MAP6: variants seen among roughly 807,000 people sequenced by gnomAD.
MAP6 encodes the protein microtubule-associated protein 6.
Under a neutral mutation model 42.4 loss-of-function variants are expected in MAP6, and 26 were observed. The observed-to-expected ratio is 0.61, with a 90% CI of 0.45 to 0.85. The LOEUF (loss-of-function observed/expected upper bound fraction) is 0.85. Ranked by LOEUF, MAP6 falls within the 40% of genes least tolerant of loss-of-function variation. The probability of loss-of-function intolerance (pLI) is 0.00; values close to 1 mark genes in which losing one functional copy is unlikely to be tolerated. For synonymous variants in MAP6, 418 were observed against 443.8 expected (o/e 0.94, Z 0.73); for missense variants, 966 against 1,099.0 (o/e 0.88, Z 1.71).
intron 1 of MAP6, among the ~76,000 whole-genome samples, chr11:75,608,774 A>G (rs1022681675): frequency 6.6e-6 from 1 of 152,240 alleles, no homozygotes; most frequent in African/African-American, 2.4e-5. Context: ...CATATCAATG[A>G]ATGCCAGTTC....
intron 1 of MAP6, among the ~76,000 whole-genome samples, chr11:75,621,513 G>C (rs1435136945): frequency 6.6e-6 from 1 of 152,110 alleles, no homozygotes; most frequent in Non-Finnish European, 1.5e-5. Context: ...AACATTCTGT[G>C]ACAGTCATAG....
At chr11:75,661,997 T>C (rs952047686) in intron 1 of MAP6, among the ~76,000 whole-genome samples, 1 of 152,062 alleles carries the variant, frequency 6.6e-6, no homozygotes, top group African/African-American at 2.4e-5. Flanking sequence ...ACTTAATGCA[T>C]ATGGGCAATA....
At chr11:75,607,656 G>T in intron 2 of MAP6, 1 of 985,420 alleles carries the variant, frequency 1.0e-6, no homozygotes, top group Non-Finnish European at 1.2e-6. Context: ...TCAGGGACTA[G>T]GGAGGGAAGA....
At position 75,668,023 on chromosome 11, in the gene MAP6, G is replaced by A. The variant is rs1205186022; in HGVS notation, c.347C>T (p.Pro116Leu). Residue 116 changes from proline (P) to leucine (L), a missense_variant, in exon 1 of 4, where the codon CCC becomes CTC. Transcript: ENST00000304771. ...ATCCTGCCGCATCACCGAGTCCGCG[G>A]GGCCGGAGGTGGAGCCGGAGCCCAG... ...PGLGSGSTSGPADSVMRQDYR... is the reference protein window; with the variant it reads ...PGLGSGSTSGLADSVMRQDYR... 8 of 1,234,288 alleles carry A rather than the reference G, an allele frequency of 6.5e-6. No individual in the cohort carries two copies. The highest frequency in any genetic ancestry group is 1.6e-5 in the African/African-American group (1 of 64,036). 76.5% of individuals were successfully genotyped at this position (1,234,288 alleles called of 1,614,324 possible).
At chr11:75,611,888 G>A (rs1258727728) in intron 1 of MAP6, among the ~76,000 whole-genome samples, 1 of 152,262 alleles carries the variant, frequency 6.6e-6, no homozygotes, top group Non-Finnish European at 1.5e-5. Flanking sequence ...ATAAGGCAAT[G>A]CAACCAGCAA....
In MAP6 at chr11:75,587,111, CG is replaced by C. The variant is rs762416015; in HGVS notation, c.2389del (p.Arg797GlufsTer3). 7 of 1,609,780 alleles carry C rather than the reference CG, an allele frequency of 4.3e-6. No homozygotes were observed. The highest frequency in any genetic ancestry group is 5.1e-6 in the Non-Finnish European group (6 of 1,176,828). ...ATGGGGGGCAGTTGGGATCATGACT[CG>C]GGGTAGAGGTGAGACAGTAGGTAGC... ...PQLPTVSPLP[R>X]VMIPTAPHTE... is the part of the protein sequence containing the mutation. On this transcript the variant is annotated frameshift_variant, in exon 4 of 4. Coordinates refer to ENST00000304771, the MANE Select transcript of MAP6 (RefSeq NM_033063.2). LOFTEE classifies it high-confidence loss of function.
chr11:75,628,376 G>T (rs1195445379), intron 1 of MAP6, among the ~76,000 whole-genome samples: 2 of 152,174 alleles, frequency 1.3e-5, no homozygotes, highest in African/African-American at 2.4e-5. Flanking sequence ...AAAGAACCCA[G>T]CAAAGCACCC....
chr11:75,591,465 C>T (rs1433780313), intron 3 of MAP6, among the ~76,000 whole-genome samples: 1 of 152,240 alleles, frequency 6.6e-6, no homozygotes, highest in Non-Finnish European at 1.5e-5. Context: ...GCCAGTCTCC[C>T]ATCTGTAAAG....
At chr11:75,601,313 C>T (rs1342013660) in intron 3 of MAP6, among the ~76,000 whole-genome samples, 1 of 152,172 alleles carries the variant, frequency 6.6e-6, no homozygotes, top group Non-Finnish European at 1.5e-5. Flanking sequence ...TTTCTTACCA[C>T]CTCTCTCAAT....
intron 3 of MAP6, 34 bp from the exon 4 acceptor site, chr11:75,588,218 T>G (rs558257145): frequency 6.3e-7 from 1 of 1,583,826 alleles, no homozygotes; most frequent in Non-Finnish European, 8.6e-7. Context: ...ACTGTGAGAG[T>G]AGAGCTCAGG....
intron 1 of MAP6, among the ~76,000 whole-genome samples, chr11:75,651,592 G>A (rs999722347): frequency 3.3e-5 from 5 of 152,308 alleles, no homozygotes; most frequent in South Asian, 4.1e-4. Flanking sequence ...AGTAGCCAGA[G>A]ACTAATAGTA....
chr11:75,601,246 T>C (rs1942659244), intron 3 of MAP6, among the ~76,000 whole-genome samples: 1 of 152,190 alleles, frequency 6.6e-6, no homozygotes, highest in Non-Finnish European at 1.5e-5. Context: ...TATGTGTGCT[T>C]TCCTGTGTCT....
At chr11:75,589,033 C>G (rs1383604916) in intron 3 of MAP6, among the ~76,000 whole-genome samples, 1 of 152,134 alleles carries the variant, frequency 6.6e-6, no homozygotes, top group Non-Finnish European at 1.5e-5. Context: ...ACTCCCACTA[C>G]CCCCAACCTT....
At chr11:75,658,903 C>G (rs1943796502) in intron 1 of MAP6, among the ~76,000 whole-genome samples, 2 of 152,334 alleles carry the variant, frequency 1.3e-5, no homozygotes, top group South Asian at 4.1e-4. Context: ...ATCAGGCAGA[C>G]TTAACCCCTC....
In MAP6 at chr11:75,609,806, G is replaced by T. The variant is rs142168677; in HGVS notation, c.906-1484C>A. Among the ~76,000 whole-genome samples, 26 of 152,238 alleles carry T rather than the reference G, an allele frequency of 1.7e-4. No homozygotes were observed. In the East Asian group the frequency reaches 5.0e-3, roughly 29 times the overall value. ...GACTCTCCTTTCCAGTGCAGCCTGG[G>T]TCCCCACCTAGATGCCCCATTGTTA... On this transcript the variant is annotated intron_variant, in intron 1 of 3. Transcript: ENST00000304771.
chr11:75,614,905 G>A (rs1942971499), intron 1 of MAP6, among the ~76,000 whole-genome samples: 1 of 152,226 alleles, frequency 6.6e-6, no homozygotes, highest in African/African-American at 2.4e-5. Context: ...TTCCAGCAGA[G>A]CTGCAGCATG....
intron 1 of MAP6, among the ~76,000 whole-genome samples, chr11:75,636,375 G>T (rs1360190527): frequency 6.6e-6 from 1 of 152,124 alleles, no homozygotes; most frequent in Non-Finnish European, 1.5e-5. Context: ...CTTAACCAAA[G>T]AGTGCTTCTC....
chr11:75,649,975 C>T (rs1486474885), intron 1 of MAP6, among the ~76,000 whole-genome samples: 1 of 152,176 alleles, frequency 6.6e-6, no homozygotes, highest in Non-Finnish European at 1.5e-5. Context: ...GGAGCAGGCA[C>T]CATCAGACAC....
chr11:75,592,595 C>G (rs1377654156), intron 3 of MAP6, among the ~76,000 whole-genome samples: 1 of 152,080 alleles, frequency 6.6e-6, no homozygotes, highest in Non-Finnish European at 1.5e-5. Context: ...ACCTGCTATG[C>G]CATCATCTAC....
Sources: gnomAD v4.1 joint callset for allele counts (sites outside exome capture counted in the v4.1 genomes callset) on GRCh38, gnomAD v4.1.1 for gene constraint, MANE v1.5 for transcripts, NCBI Gene and HGNC (gene_info 2026-07-23, HGNC 2026-07-21) for gene names.